BTBD9: variants seen among roughly 807,000 people sequenced by gnomAD.
BTBD9 encodes the protein BTB/POZ domain-containing protein 9.
Under a neutral mutation model 64.3 loss-of-function variants are expected in BTBD9, and 49 were observed. The observed-to-expected ratio is 0.76, with a 90% confidence interval of 0.61 to 0.97. The LOEUF is 0.97. BTBD9 is among the 50% of genes least tolerant of loss of function. BTBD9 has a pLI of 0.00. For synonymous variants in BTBD9, 260 were observed against 274.7 expected (o/e 0.95, Z 0.53); for missense variants, 598 against 762.1 (o/e 0.78, Z 2.53).
intron 10 of BTBD9, chr6:38,179,532 G>T (rs1225813586): frequency 2.2e-5 from 10 of 456,754 alleles, no homozygotes; most frequent in South Asian, 1.5e-4. Flanking sequence ...CCCTTTCCCT[G>T]CAATGATTTC....
At chr6:38,474,253 G>C (rs954126678) in intron 6 of BTBD9, among the ~76,000 whole-genome samples, 5 of 152,204 alleles carry the variant, frequency 3.3e-5, no homozygotes, top group African/African-American at 1.2e-4. Flanking sequence ...GCTGGGCGTG[G>C]TAGCTCGTAA....
chr6:38,221,629 G>T (rs1365880588), intron 9 of BTBD9, among the ~76,000 whole-genome samples: 1 of 152,202 alleles, frequency 6.6e-6, no homozygotes, highest in Non-Finnish European at 1.5e-5. Flanking sequence ...GTTTGGAAAA[G>T]AACAGTAATA....
intron 6 of BTBD9, among the ~76,000 whole-genome samples, chr6:38,375,942 GGAAAGAAGGAAAGAAAGAA>G (rs1765675375): frequency 1.5e-4 from 4 of 26,164 alleles, no homozygotes; most frequent in African/African-American, 3.9e-4. Flanking sequence ...AAAGAAAGAA[GGAAAGAAGGAAAGAAAGAA>G]AGAAAAAACG....
At chr6:38,306,433 C>G (rs1277147538) in intron 7 of BTBD9, among the ~76,000 whole-genome samples, 1 of 152,206 alleles carries the variant, frequency 6.6e-6, no homozygotes, top group African/African-American at 2.4e-5. Flanking sequence ...TACTTTTCCC[C>G]CTCTGTGCAC....
chr6:38,193,316 G>T (rs1342489809), intron 9 of BTBD9, among the ~76,000 whole-genome samples: 1 of 152,148 alleles, frequency 6.6e-6, no homozygotes, highest in Admixed American at 6.5e-5. Flanking sequence ...GGCAGTGGGG[G>T]TCCTGCACCA....
intron 10 of BTBD9, among the ~76,000 whole-genome samples, chr6:38,180,517 A>ACCTTTGGGCTTCCCTCTAGGTGGAACAG (rs1761505709): frequency 6.6e-6 from 1 of 151,522 alleles, no homozygotes; most frequent in Non-Finnish European, 1.5e-5. Context: ...TCCACCAGGC[A>ACCTTTGGGCTTCCCTCTAGGTGGAACAG]CCTTTGGGCT....
At position 38,170,882 on chromosome 6, in the gene BTBD9, G is replaced by C. The variant is rs928643973; in HGVS notation, c.*4103C>G. The stretch of plus-strand genomic sequence containing the variant: ...GCTGCAGACCTGCCCTGCCCGGGCC[G>C]TGCCCGACCTGGGCATCGCTCGGAG... On this transcript the variant is annotated 3_prime_UTR_variant, in exon 11 of 11. Transcript: ENST00000481247. The C allele has an allele frequency of 6.6e-6, 1 of 152,240 alleles. No individual in the cohort carries two copies. Among genetic ancestry groups the C allele is most frequent in the Non-Finnish European group, 1.5e-5 (1 of 68,044 alleles). 9.4% of individuals were successfully genotyped at this position (152,240 alleles called of 1,614,324 possible). A position where few individuals can be genotyped will look rare whatever the true frequency, so the allele number is the denominator to read the frequency against.
At chr6:38,500,034 C>A (rs1457055733) in intron 6 of BTBD9, among the ~76,000 whole-genome samples, 1 of 152,152 alleles carries the variant, frequency 6.6e-6, no homozygotes, top group Non-Finnish European at 1.5e-5. Context: ...AAGGTATAAT[C>A]ATTACTACTT....
intron 9 of BTBD9, among the ~76,000 whole-genome samples, chr6:38,200,861 T>C (rs1296336421): frequency 1.3e-5 from 2 of 151,998 alleles, no homozygotes; most frequent in Admixed American, 6.6e-5. Context: ...ACCAATCCTC[T>C]TCAAACTATT....
chr6:38,263,756 G>C (rs1371741055), intron 8 of BTBD9, among the ~76,000 whole-genome samples: 1 of 151,996 alleles, frequency 6.6e-6, no homozygotes, highest in Non-Finnish European at 1.5e-5. Flanking sequence ...AACCTACTAG[G>C]GCCCTCCGAG....
chr6:38,364,551 A>G (rs565722078), intron 6 of BTBD9, among the ~76,000 whole-genome samples: 111 of 152,342 alleles, frequency 7.3e-4, no homozygotes, highest in African/African-American at 2.5e-3. Context: ...TAGAATTAAC[A>G]CTTAAGCAAT....
At chr6:38,445,189 T>C (rs532482748) in intron 6 of BTBD9, among the ~76,000 whole-genome samples, 1 of 152,346 alleles carries the variant, frequency 6.6e-6, no homozygotes, top group South Asian at 2.1e-4. Flanking sequence ...ATTTGTTGTA[T>C]GAGTGAGAAA....
intron 1 of BTBD9, among the ~76,000 whole-genome samples, chr6:38,629,692 T>C (rs1205684497): frequency 6.6e-6 from 1 of 151,732 alleles, no homozygotes; most frequent in East Asian, 2.0e-4. Flanking sequence ...TGTGATGGCA[T>C]GTGCCTGTAA....
At chr6:38,468,835 C>T (rs1770511086) in intron 6 of BTBD9, among the ~76,000 whole-genome samples, 1 of 152,098 alleles carries the variant, frequency 6.6e-6, no homozygotes, top group African/African-American at 2.4e-5. Flanking sequence ...GACAGAAATA[C>T]AGTTTCTATA....
chr6:38,297,330 C>T (rs1302953369), intron 7 of BTBD9, among the ~76,000 whole-genome samples: 1 of 152,090 alleles, frequency 6.6e-6, no homozygotes. Context: ...TGCGCCATTG[C>T]ACCCCAGCCT....
chr6:38,504,587 T>C, intron 6 of BTBD9: 2 of 456,736 alleles, frequency 4.4e-6, no homozygotes, highest in South Asian at 1.5e-5. Flanking sequence ...TGGATTTTTT[T>C]AGGCTTTGGG....
rs77570418 is a variant in BTBD9, at chr6:38,260,312, T to C, written c.1455-3796A>G. Among the ~76,000 whole-genome samples the C allele has an allele frequency of 6.0e-4, 92 of 152,350 alleles. 3 individuals carry two copies. The East Asian group carries it at 0.016, about 26-fold the overall frequency. ...TTTAACAGTTCTGTTACCATAACTGTTGTTGGAAGATAATGTTGAGGTTAT... is the reference window on the plus strand; with the variant it reads ...TTTAACAGTTCTGTTACCATAACTGCTGTTGGAAGATAATGTTGAGGTTAT... On this transcript the variant is annotated intron_variant, in intron 8 of 10. Coordinates refer to ENST00000481247, the MANE Select transcript of BTBD9 (RefSeq NM_001099272.2).
intron 6 of BTBD9, among the ~76,000 whole-genome samples, chr6:38,568,291 T>C (rs1220290239): frequency 1.3e-5 from 2 of 152,218 alleles, no homozygotes; most frequent in Admixed American, 1.3e-4. Context: ...AATCTGTATC[T>C]AAGTTTGTTT....
intron 4 of BTBD9, among the ~76,000 whole-genome samples, chr6:38,582,325 C>A (rs909349549): frequency 1.3e-5 from 2 of 152,304 alleles, no homozygotes; most frequent in Middle Eastern, 6.8e-3. Flanking sequence ...ACATGACGTG[C>A]TAGACACTGT....
Sources: gnomAD v4.1 joint callset for allele counts (sites outside exome capture counted in the v4.1 genomes callset) on GRCh38, gnomAD v4.1.1 for gene constraint, MANE v1.5 for transcripts, NCBI Gene and HGNC (gene_info 2026-07-23, HGNC 2026-07-21) for gene names.